Variants in TLR5 observed in about 807,000 individuals in gnomAD.
TLR5 encodes toll-like receptor 5.
For missense variants in TLR5, 944 were observed against 999.8 expected, an observed-to-expected ratio of 0.94 and a Z score of 0.75; for synonymous variants, 373 against 384.4, an observed-to-expected ratio of 0.97 and a Z score of 0.35.
Position 223,112,190 on chromosome 1 carries a change from G to T in TLR5, c.842C>A (p.Thr281Lys). ...FHNIKDPDQNTFAGLARSSVR... is the reference protein window; with the variant it reads ...FHNIKDPDQNKFAGLARSSVR... ...TGAACTTCTGGCCAGGCCAGCAAAT[G>T]TGTTCTGGTCAGGATCTTTGATGTT... The change falls in exon 6 of 6, where the codon ACA (threonine) becomes AAA (lysine). Residue 281 changes from threonine to lysine, a missense_variant. Thr to Lys is a moderately conservative substitution (Grantham distance 78, BLOSUM62 -1). Transcript: ENST00000642603. 6.2e-7 allele frequency: 1 copy of T among 1,614,202 alleles called. No individual in the cohort carries two copies.
chr1:223,130,976 G>A (rs1657375331), intron 5 of TLR5, among the ~76,000 whole-genome samples: 1 of 152,102 alleles, frequency 6.6e-6, no homozygotes, highest in African/African-American at 2.4e-5. Flanking sequence ...TTCACGTCAG[G>A]ATGCCTCCAG....
At chr1:223,141,980 C>A (rs760718202) in intron 1 of TLR5, among the ~76,000 whole-genome samples, 4 of 152,082 alleles carry the variant, frequency 2.6e-5, no homozygotes, top group Non-Finnish European at 5.9e-5. Context: ...TCCAGCCCCA[C>A]AGAACTTCTC....
chr1:223,111,118 T>C lies in TLR5; in HGVS notation c.1914A>G (p.Leu638=), dbSNP rs752395124. ...GCDEEEVLKS[L]KFSLFIVCTV... ...TGCATACAATGAAAAGGGAGAACTT[T>C]AGGGACTTTAAGACTTCCTCTTCAT... The change falls in exon 6 of 6, where the codon CTA becomes CTG. Residue 638 remains leucine, a synonymous_variant. Coordinates refer to ENST00000642603, the MANE Select transcript of TLR5 (RefSeq NM_003268.6). 1.1e-5 allele frequency: 17 copies of C among 1,614,058 alleles called. 1 individual carries two copies. The highest frequency in any genetic ancestry group is 1.4e-5 in the Non-Finnish European group (17 of 1,180,030).
intron 5 of TLR5, among the ~76,000 whole-genome samples, chr1:223,116,587 G>C (rs1044477654): frequency 6.6e-6 from 1 of 152,282 alleles, no homozygotes; most frequent in African/African-American, 2.4e-5. Flanking sequence ...CGGTGTGAAA[G>C]ACGACCGCAG....
Position 223,110,805 on chromosome 1 carries a change from T to C in TLR5, c.2227A>G (p.Asn743Asp). Residue 743 changes from asparagine to aspartate, a missense_variant, in exon 6 of 6, where the codon AAT (asparagine) becomes GAT (aspartate). Asn to Asp is a conservative substitution (Grantham distance 23). Coordinates refer to ENST00000642603, the MANE Select transcript of TLR5 (RefSeq NM_003268.6). ...DFVPGENRIA[N>D]IQDAIWNSRK... ...CTGTTCCAGATGGCATCCTGGATAT[T>C]GGCAATGCGGTTTTCTCCTGGGACA... 6.2e-7 allele frequency: 1 copy of C among 1,614,260 alleles called. No individual in the cohort carries two copies. Among genetic ancestry groups the C allele is most frequent in the Non-Finnish European group, 8.5e-7 (1 of 1,180,036 alleles).
At chr1:223,115,939 T>G (rs1348831323) in intron 5 of TLR5, among the ~76,000 whole-genome samples, 1 of 152,188 alleles carries the variant, frequency 6.6e-6, no homozygotes, top group Non-Finnish European at 1.5e-5. Flanking sequence ...CCAAACTCTT[T>G]CCAGCCTCAG....
chr1:223,132,985 G>A (rs898077917), intron 4 of TLR5, among the ~76,000 whole-genome samples: 4 of 152,156 alleles, frequency 2.6e-5, no homozygotes, highest in African/African-American at 9.7e-5. Context: ...CAATTCCACT[G>A]TCCCTATTGT....
Position 223,109,724 on chromosome 1 carries a change from T to G in TLR5, c.*731A>C, listed in dbSNP as rs1656225790. On this transcript the variant is annotated 3_prime_UTR_variant, in exon 6 of 6. Coordinates refer to ENST00000642603, the MANE Select transcript of TLR5 (RefSeq NM_003268.6). ...TTCTTCATGCAACAGCCTGAGCAGC[T>G]GATCAATGAGGTGTGCTAGGAAACA... The G allele has an allele frequency of 6.5e-6, 1 of 152,712 alleles. No homozygotes were observed. The highest frequency in any genetic ancestry group is 1.5e-5 in the Non-Finnish European group (1 of 68,348). 9.5% of individuals were successfully genotyped at this position (152,712 alleles called of 1,614,324 possible).
At chr1:223,121,939 C>T (rs1656971601) in intron 5 of TLR5, among the ~76,000 whole-genome samples, 1 of 152,194 alleles carries the variant, frequency 6.6e-6, no homozygotes, top group South Asian at 2.1e-4. Flanking sequence ...ATAGATGACA[C>T]ACACAGGCAG....
intron 2 of TLR5, chr1:223,141,244 G>A (rs183105214): frequency 1.3e-5 from 2 of 152,250 alleles, no homozygotes; most frequent in East Asian, 3.9e-4. Flanking sequence ...GAACAACGGA[G>A]GCACTGTTCT....
At chr1:223,113,992 C>A (rs1195959181) in intron 5 of TLR5, among the ~76,000 whole-genome samples, 1 of 152,196 alleles carries the variant, frequency 6.6e-6, no homozygotes, top group African/African-American at 2.4e-5. Flanking sequence ...ATTTATCCGA[C>A]CTTACTCCAC....
rs1656255529 is a variant in TLR5 at position 223,110,401 on chromosome 1, T to C, written c.*54A>G. The C allele has an allele frequency of 2.5e-6, 4 of 1,592,480 alleles. No homozygotes were observed. The highest frequency in any genetic ancestry group is 2.7e-5 in the African/African-American group (2 of 74,512). ...CCCCAAAATGATAACTTGGTGCAAA[T>C]ACAAAGTGAAGAGTTATTTGTGGCT... On this transcript the variant is annotated 3_prime_UTR_variant, in exon 6 of 6. Coordinates refer to ENST00000642603, the MANE Select transcript of TLR5 (RefSeq NM_003268.6).
At chr1:223,124,309 G>C (rs141691541) in intron 5 of TLR5, among the ~76,000 whole-genome samples, 3 of 152,058 alleles carry the variant, frequency 2.0e-5, no homozygotes, top group Non-Finnish European at 2.9e-5. Flanking sequence ...TGTGTGTGGT[G>C]GTGGGTGCCT....
intron 5 of TLR5, among the ~76,000 whole-genome samples, chr1:223,123,281 G>T (rs994509499): frequency 2.6e-5 from 4 of 152,116 alleles, no homozygotes; most frequent in Non-Finnish European, 5.9e-5. Context: ...TGTTTTTATG[G>T]ATGACTCAAT....
At chr1:223,139,331 T>C (rs921619262) in intron 2 of TLR5, among the ~76,000 whole-genome samples, 1 of 152,170 alleles carries the variant, frequency 6.6e-6, no homozygotes, top group African/African-American at 2.4e-5. Flanking sequence ...ACATCAAGGA[T>C]TAACTCAATC....
intron 5 of TLR5, among the ~76,000 whole-genome samples, chr1:223,116,183 G>T (rs1003918204): frequency 6.6e-6 from 1 of 152,164 alleles, no homozygotes; most frequent in Admixed American, 6.5e-5. Flanking sequence ...GAAATTGGTG[G>T]GTTCCTGGTC....
chr1:223,117,324 C>T (rs1409349712), intron 5 of TLR5, among the ~76,000 whole-genome samples: 1 of 152,010 alleles, frequency 6.6e-6, no homozygotes, highest in East Asian at 1.9e-4. Flanking sequence ...TCTCCCTCCA[C>T]ACCTCCCAGC....
At chr1:223,125,659 T>C (rs1657137550) in intron 5 of TLR5, among the ~76,000 whole-genome samples, 1 of 151,962 alleles carries the variant, frequency 6.6e-6, no homozygotes, top group Admixed American at 6.6e-5. Flanking sequence ...GGGGTGGTGG[T>C]GTGCTCTCTC....
At chr1:223,132,838 C>T (rs1651635307) in intron 4 of TLR5, among the ~76,000 whole-genome samples, 199 bp from the exon 5 acceptor site, 1 of 152,166 alleles carries the variant, frequency 6.6e-6, no homozygotes, top group Admixed American at 6.5e-5. Context: ...AAGTTGGGAC[C>T]TTGAGAAATC....
Sources: allele counts gnomAD v4.1 joint callset (sites outside exome capture counted in the v4.1 genomes callset), GRCh38; gene constraint gnomAD v4.1.1; transcripts MANE v1.5; gene names NCBI Gene and HGNC (gene_info 2026-07-23, HGNC 2026-07-21).